The following CALN1 variants were observed in gnomAD, a reference collection of about 807,000 sequenced individuals.
CALN1 encodes the protein calcium-binding protein 8.
A neutral mutation model predicts 30.6 loss-of-function variants in CALN1; 17 were observed. That is an observed-to-expected ratio of 0.56 (90% CI 0.38 to 0.83). The LOEUF (loss-of-function observed/expected upper bound fraction) is 0.83. Ranked by LOEUF, CALN1 falls within the 40% of genes least tolerant of loss-of-function variation. CALN1 has a pLI of 0.00. For synonymous variants in CALN1, 156 were observed against 131.4 expected (o/e 1.19, Z -1.28); for missense variants, 291 against 354.9 (o/e 0.82, Z 1.45).
At chr7:72,439,582 CT>C (rs11458809) in intron 1 of CALN1, among the ~76,000 whole-genome samples, 104 of 143,644 alleles carry the variant, frequency 7.2e-4, no homozygotes, top group Admixed American at 8.3e-4. Flanking sequence ...GTCGTTTATT[CT>C]TTTTTTTTTT....
At chr7:71,838,630 A>T (rs150693685) in intron 5 of CALN1, among the ~76,000 whole-genome samples, 184 of 152,268 alleles carry the variant, frequency 1.2e-3, no homozygotes, top group African/African-American at 4.2e-3. Flanking sequence ...CTCATCTTGA[A>T]TTGTAGTTCC....
At chr7:72,336,495 C>A (rs937759670) in intron 2 of CALN1, among the ~76,000 whole-genome samples, 6 of 152,090 alleles carry the variant, frequency 3.9e-5, no homozygotes, top group African/African-American at 1.4e-4. Context: ...GGCAAGGTGG[C>A]CGGCGCGGCC....
At chr7:71,834,217 C>CAAAAAAAAAAAAAAAAAAAAACAAAAAAA (rs1789464454) in intron 5 of CALN1, among the ~76,000 whole-genome samples, 1 of 48,312 alleles carries the variant, frequency 2.1e-5, no homozygotes, top group Non-Finnish European at 3.6e-5. Context: ...GACTCCATCT[C>CAAAAAAAAAAAAAAAAAAAAACAAAAAAA]AAAAAAAAAA....
chr7:71,826,262 G>C (rs1018933223), intron 5 of CALN1, among the ~76,000 whole-genome samples: 2 of 151,872 alleles, frequency 1.3e-5, no homozygotes, highest in Non-Finnish European at 2.9e-5. Context: ...CTCTGCAGTC[G>C]ACCCCCAGAA....
intron 4 of CALN1, among the ~76,000 whole-genome samples, chr7:72,059,162 A>G (rs1393382909): frequency 1.3e-5 from 2 of 152,216 alleles, no homozygotes; most frequent in Admixed American, 1.3e-4. Flanking sequence ...GAAAATTAAC[A>G]AACCACTCTT....
chr7:72,304,468 GC>G (rs1231676520), intron 2 of CALN1, among the ~76,000 whole-genome samples: 2 of 152,070 alleles, frequency 1.3e-5, no homozygotes, highest in Non-Finnish European at 2.9e-5. Context: ...CAACAGGAAG[GC>G]CCCATCTCTA....
chr7:72,165,247 G>GT (rs1284790453), intron 3 of CALN1, among the ~76,000 whole-genome samples: 2 of 152,206 alleles, frequency 1.3e-5, no homozygotes, highest in African/African-American at 4.8e-5. Context: ...ACATTTAGGT[G>GT]TAAGAAGGAT....
intron 3 of CALN1, among the ~76,000 whole-genome samples, chr7:72,257,005 G>A (rs549976099): frequency 2.6e-5 from 4 of 152,112 alleles, no homozygotes; most frequent in African/African-American, 9.7e-5. Context: ...CACTACCCAA[G>A]ACTTGGTAAT....
chr7:72,263,151 AT>A (rs1359208386), intron 3 of CALN1, among the ~76,000 whole-genome samples: 1 of 152,204 alleles, frequency 6.6e-6, no homozygotes, highest in Non-Finnish European at 1.5e-5. Flanking sequence ...CATCATAACA[AT>A]AACAATAATT....
intron 5 of CALN1, among the ~76,000 whole-genome samples, chr7:72,013,639 C>G (rs1800217515): frequency 1.3e-5 from 2 of 152,074 alleles, no homozygotes; most frequent in African/African-American, 2.4e-5. Flanking sequence ...AAATTATTCA[C>G]TTTTGTGCCA....
intron 4 of CALN1, among the ~76,000 whole-genome samples, chr7:72,058,310 C>CTTTT (rs3065011): frequency 0.037 from 2,602 of 70,766 alleles, 365 homozygotes; most frequent in African/African-American, 0.14. Context: ...AAGCTGGAAT[C>CTTTT]TTTTTTTTTT....
At chr7:72,410,512 AC>A (rs1246829165) in intron 1 of CALN1, among the ~76,000 whole-genome samples, 1 of 152,200 alleles carries the variant, frequency 6.6e-6, no homozygotes, top group Non-Finnish European at 1.5e-5. Context: ...AAATATATAC[AC>A]AAGCAAAGCC....
chr7:72,267,648 G>A (rs935870031), intron 3 of CALN1, among the ~76,000 whole-genome samples: 2 of 152,232 alleles, frequency 1.3e-5, no homozygotes, highest in African/African-American at 4.8e-5. Flanking sequence ...GCAGATGCTG[G>A]TTATGTAACC....
intron 4 of CALN1, among the ~76,000 whole-genome samples, chr7:72,055,079 C>T (rs1803166213): frequency 6.6e-6 from 1 of 152,152 alleles, no homozygotes; most frequent in African/African-American, 2.4e-5. Context: ...ATCCACAGAG[C>T]ATTTTTTATC....
intron 2 of CALN1, among the ~76,000 whole-genome samples, chr7:72,400,970 C>A (rs1225273355): frequency 1.3e-5 from 2 of 152,172 alleles, no homozygotes; most frequent in Non-Finnish European, 2.9e-5. Context: ...GCCTGCCCTG[C>A]CCACACTGTG....
intron 2 of CALN1, among the ~76,000 whole-genome samples, chr7:72,295,365 T>C (rs1798780300): frequency 6.6e-6 from 1 of 152,204 alleles, no homozygotes; most frequent in South Asian, 2.1e-4. Flanking sequence ...AGCATTCATA[T>C]GAACTTTAAA....
chr7:72,361,052 T>C (rs1803539143), intron 2 of CALN1, among the ~76,000 whole-genome samples: 1 of 152,184 alleles, frequency 6.6e-6, no homozygotes, highest in Non-Finnish European at 1.5e-5. Flanking sequence ...TATTTCATTC[T>C]GCCTTGTTGG....
At chr7:72,277,136 A>C (rs1336388347) in intron 3 of CALN1, among the ~76,000 whole-genome samples, 1 of 150,956 alleles carries the variant, frequency 6.6e-6, no homozygotes, top group Non-Finnish European at 1.5e-5. Flanking sequence ...TATGAATCAG[A>C]AAGTGGCCCT....
Position 72,213,976 on chromosome 7 carries a change from G to A in CALN1, c.244+64710C>T, listed in dbSNP as rs565557989. Among the ~76,000 whole-genome samples the A allele has an allele frequency of 3.0e-4, 45 of 152,282 alleles. 1 individual carries two copies. The highest frequency in any genetic ancestry group is 8.3e-4 in the South Asian group (4 of 4,818). ...AGGGTGGAGTAGAGACCCCTGCAGT[G>A]AGCCCTTGGTCTAGGCAGGGGGTAC... is the stretch of plus-strand genomic sequence containing the variant. On this transcript the variant is annotated intron_variant, in intron 3 of 6. Coordinates refer to ENST00000395275, the MANE Select transcript of CALN1 (RefSeq NM_031468.4).
Sources: allele counts gnomAD v4.1 joint callset (sites outside exome capture counted in the v4.1 genomes callset), GRCh38; gene constraint gnomAD v4.1.1; transcripts MANE v1.5; gene names NCBI Gene and HGNC (gene_info 2026-07-23, HGNC 2026-07-21).